CHODL: variants seen among roughly 807,000 people sequenced by gnomAD.
CHODL encodes the protein chondrolectin.
Under a neutral mutation model 34.5 loss-of-function variants are expected in CHODL, and 29 were observed. That is an observed-to-expected ratio of 0.84 (90% CI 0.63 to 1.15). CHODL has a LOEUF of 1.15. Ranked by LOEUF, CHODL falls within the 50% of genes most tolerant of loss-of-function variation. The pLI is 0.00. For synonymous variants in CHODL, 125 were observed against 116.1 expected (o/e 1.08, Z -0.49); for missense variants, 332 against 332.5 (o/e 1.00, Z 0.01).
chr21:18,068,573 G>A (rs2064759282), intron 2 of CHODL, among the ~76,000 whole-genome samples: 1 of 151,996 alleles, frequency 6.6e-6, no homozygotes, highest in Non-Finnish European at 1.5e-5. Flanking sequence ...ATCCAACTGG[G>A]CCTCATTCTT....
At chr21:18,224,721 T>C (rs1314651635) in intron 2 of CHODL, among the ~76,000 whole-genome samples, 1 of 152,174 alleles carries the variant, frequency 6.6e-6, no homozygotes, top group Non-Finnish European at 1.5e-5. Context: ...GTTTTAAACA[T>C]AAATTGTTTT....
At chr21:18,042,381 T>C (rs1471386123) in intron 2 of CHODL, among the ~76,000 whole-genome samples, 1 of 151,914 alleles carries the variant, frequency 6.6e-6, no homozygotes, top group Non-Finnish European at 1.5e-5. Context: ...CTCAGAGCTA[T>C]GGCAATAAGA....
intron 3 of CHODL, among the ~76,000 whole-genome samples, chr21:18,258,802 C>A (rs560834648): frequency 3.6e-4 from 54 of 151,908 alleles, no homozygotes; most frequent in African/African-American, 1.3e-3. Context: ...ATTTAGTTAA[C>A]CCTCCTTGAG....
At chr21:18,167,174 A>G (rs1240120366) in intron 2 of CHODL, among the ~76,000 whole-genome samples, 1 of 151,164 alleles carries the variant, frequency 6.6e-6, no homozygotes, top group East Asian at 1.9e-4. Context: ...AATCTTTTAA[A>G]ATAAAAAGTT....
At chr21:17,977,341 T>C (rs889358263) in intron 1 of CHODL, among the ~76,000 whole-genome samples, 1 of 151,460 alleles carries the variant, frequency 6.6e-6, no homozygotes, top group African/African-American at 2.4e-5. Flanking sequence ...GGATTACATG[T>C]TAAGGTGTTG....
intron 2 of CHODL, among the ~76,000 whole-genome samples, chr21:18,079,575 C>T (rs2064911166): frequency 6.7e-6 from 1 of 149,776 alleles, no homozygotes; most frequent in South Asian, 2.1e-4. Flanking sequence ...TGTATATATA[C>T]ACACATATAC....
intron 2 of CHODL, among the ~76,000 whole-genome samples, chr21:18,132,774 T>C (rs1484792844): frequency 1.3e-5 from 2 of 152,168 alleles, no homozygotes; most frequent in Non-Finnish European, 2.9e-5. Flanking sequence ...AGAAATCTTT[T>C]TGTTCCCTTT....
At chr21:17,930,610 G>C (rs1401786929) in intron 1 of CHODL, among the ~76,000 whole-genome samples, 1 of 152,204 alleles carries the variant, frequency 6.6e-6, no homozygotes, top group Non-Finnish European at 1.5e-5. Context: ...AGACATGTTT[G>C]CTGGTCCGGT....
chr21:18,154,355 C>A (rs963047875), intron 2 of CHODL, among the ~76,000 whole-genome samples: 2 of 152,132 alleles, frequency 1.3e-5, no homozygotes, highest in African/African-American at 2.4e-5. Context: ...GGAGCTGACA[C>A]CAGGATTAGT....
At chr21:17,962,026 C>T (rs189383331) in intron 1 of CHODL, among the ~76,000 whole-genome samples, 38 of 152,266 alleles carry the variant, frequency 2.5e-4, no homozygotes, top group African/African-American at 8.9e-4. Context: ...AAGAATTTTC[C>T]TTGTCCTGGG....
intron 2 of CHODL, among the ~76,000 whole-genome samples, chr21:18,123,365 C>G (rs1231780800): frequency 6.6e-6 from 1 of 152,188 alleles, no homozygotes; most frequent in Non-Finnish European, 1.5e-5. Context: ...ATTAAGGAGA[C>G]TAGGTGCAAT....
At chr21:18,242,407 C>G (rs1457860213), upstream of CHODL, among the ~76,000 whole-genome samples, 4 of 151,688 alleles carry the variant, frequency 2.6e-5, no homozygotes, top group Non-Finnish European at 5.9e-5. Context: ...AATTCATAGC[C>G]CCTACTTTTT....
intron 2 of CHODL, among the ~76,000 whole-genome samples, chr21:18,163,701 G>T (rs1471757522): frequency 6.6e-6 from 1 of 152,100 alleles, no homozygotes; most frequent in East Asian, 1.9e-4. Context: ...GTTTTTGCTT[G>T]TTTGGGGGCT....
intron 2 of CHODL, among the ~76,000 whole-genome samples, chr21:18,134,150 A>G (rs1601049004): frequency 2.0e-5 from 3 of 152,248 alleles, no homozygotes; most frequent in African/African-American, 7.2e-5. Flanking sequence ...CCCTTTTTAT[A>G]TATTCACATC....
intron 2 of CHODL, among the ~76,000 whole-genome samples, chr21:18,105,772 G>A (rs1429992729): frequency 2.0e-5 from 3 of 152,312 alleles, no homozygotes; most frequent in South Asian, 2.1e-4. Flanking sequence ...GGATGTTGAC[G>A]TGGATTAATA....
At chr21:18,264,601 C>CAAAA (rs564344974) in intron 5 of CHODL, among the ~76,000 whole-genome samples, 2 of 68,834 alleles carry the variant, frequency 2.9e-5, no homozygotes, top group Non-Finnish European at 5.9e-5. Context: ...GGGTCTGTCT[C>CAAAA]AAAAAAAAAA....
chr21:18,125,203 G>A (rs562039882), intron 2 of CHODL, among the ~76,000 whole-genome samples: 3 of 152,310 alleles, frequency 2.0e-5, no homozygotes, highest in Non-Finnish European at 4.4e-5. Context: ...CTGCTATAAG[G>A]ATTTACTGAA....
chr21:18,180,908 CTTAT>C (rs1044025941), intron 2 of CHODL, among the ~76,000 whole-genome samples: 1 of 152,116 alleles, frequency 6.6e-6, no homozygotes, highest in Admixed American at 6.5e-5. Flanking sequence ...ATTAATAACA[CTTAT>C]TTGTCAGAGG....
intron 2 of CHODL, among the ~76,000 whole-genome samples, chr21:18,088,414 C>T (rs1303568032): frequency 6.6e-6 from 1 of 152,184 alleles, no homozygotes; most frequent in Non-Finnish European, 1.5e-5. Context: ...CCTGCTGAGG[C>T]TGCTCTAGGT....
Sources: gnomAD v4.1 joint callset for allele counts (sites outside exome capture counted in the v4.1 genomes callset) on GRCh38, gnomAD v4.1.1 for gene constraint, MANE v1.5 for transcripts, NCBI Gene and HGNC (gene_info 2026-07-23, HGNC 2026-07-21) for gene names.